Variants in CDK19 observed in about 807,000 individuals in gnomAD.
CDK19 encodes cyclin dependent kinase 19.
In CDK19, 20 loss-of-function variants were observed where a neutral mutation model predicts 68.3. The observed-to-expected ratio is 0.29, with a 90% CI of 0.21 to 0.43. The LOEUF (loss-of-function observed/expected upper bound fraction) is 0.43, where lower values mean the gene tolerates loss of function less well. Ranked by LOEUF, CDK19 falls within the 20% of genes least tolerant of loss-of-function variation. The pLI is 1.00. For missense variants in CDK19, 339 were observed against 623.5 expected (o/e 0.54, Z 4.86); for synonymous variants, 221 against 222.8 (o/e 0.99, Z 0.07).
At position 110,815,073 on chromosome 6, in the gene CDK19, A is replaced by C; in HGVS notation, c.64T>G (p.Tyr22Asp). 6.2e-7 allele frequency: 1 copy of C among 1,604,280 alleles called. No homozygotes were observed. The highest frequency in any genetic ancestry group is 8.5e-7 in the Non-Finnish European group (1 of 1,176,306). ...CCGCGTCCCACTTTGCACCCTTCGT[A>C]CTCAAACAAATCCTCCACCCGCTCC... Reference protein sequence around the residue: ...ERERVEDLFEYEGCKVGRGTY... With the variant: ...ERERVEDLFEDEGCKVGRGTY... The change falls in exon 1 of 13, where the codon TAC becomes GAC. Residue 22 changes from tyrosine to aspartate, a missense_variant. Transcript: ENST00000368911.
intron 4 of CDK19, chr6:110,645,799 T>C (rs1780522793): frequency 3.3e-6 from 2 of 601,312 alleles, no homozygotes; most frequent in African/African-American, 3.7e-5. Context: ...CTCTGGTGCC[T>C]ATCTAGAGAC....
chr6:110,713,907 A>G (rs1034168638), intron 2 of CDK19, among the ~76,000 whole-genome samples: 33 of 152,196 alleles, frequency 2.2e-4, no homozygotes, highest in African/African-American at 8.0e-4. Context: ...AGAAAACCTT[A>G]CTGAGTATTC....
intron 2 of CDK19, among the ~76,000 whole-genome samples, chr6:110,678,701 T>C (rs896125515): frequency 6.6e-6 from 1 of 152,226 alleles, no homozygotes; most frequent in Non-Finnish European, 1.5e-5. Context: ...GTAGAAAAAT[T>C]ATTTGTAATT....
At chr6:110,646,849 G>A (rs1426898972) in intron 4 of CDK19, among the ~76,000 whole-genome samples, 1 of 151,984 alleles carries the variant, frequency 6.6e-6, no homozygotes, top group Non-Finnish European at 1.5e-5. Context: ...GTGGGAGGAA[G>A]GGGCTCCCCG....
rs552311835 is a variant in CDK19, at chr6:110,714,327, C to G, written c.204+31799G>C. ...TCCATTCATCAGCTGATGGATACGA[C>G]AGTTATTTCTAATTTTTTGTTATTG... On this transcript the variant is annotated intron_variant, in intron 2 of 12. Transcript: ENST00000368911. Among the ~76,000 whole-genome samples the G allele has an allele frequency of 9.3e-4, 142 of 152,274 alleles. 1 individual carries two copies. The highest frequency in any genetic ancestry group is 5.1e-4 in the Non-Finnish European group (35 of 68,038).
At chr6:110,679,331 G>T (rs1771806202) in intron 2 of CDK19, among the ~76,000 whole-genome samples, 1 of 146,574 alleles carries the variant, frequency 6.8e-6, no homozygotes. Context: ...AAAAAAAAAA[G>T]TCCAGGTACA....
rs2114923760 is a variant in CDK19 at position 110,755,322 on chromosome 6, G to A, written c.129-9121C>T. 2.0e-5 allele frequency among the ~76,000 whole-genome samples: 3 copies of A among 152,236 alleles called. No homozygotes were observed. The South Asian group carries it at 6.2e-4, about 32-fold the overall frequency. On this transcript the variant is annotated intron_variant, in intron 1 of 12. Coordinates refer to ENST00000368911, the MANE Select transcript of CDK19 (RefSeq NM_015076.5). ...CCCAAAGTGCTGGGATTATAGGCGT[G>A]AGCCACCATGCCTAGCCCCTTGTGA... is the stretch of plus-strand genomic sequence containing the variant.
In CDK19 at chr6:110,614,545, T is replaced by C. The variant is rs1310668301; in HGVS notation, c.1499A>G (p.His500Arg). The change falls in exon 13 of 13, where the codon CAC becomes CGC. Residue 500 changes from histidine to arginine, a missense_variant. His to Arg is a conservative substitution (Grantham distance 29). Coordinates refer to ENST00000368911, the MANE Select transcript of CDK19 (RefSeq NM_015076.5). ...CCCAACGGGAGCTGGTCAGTACCGG[T>C]GGGCCTGGTGAGATGGGTGGTACTG... ...SSQYHPSHQAHRY is the reference protein window; with the variant it reads ...SSQYHPSHQARRY The C allele has an allele frequency of 6.2e-7, 1 of 1,613,754 alleles. No homozygotes were observed. Among genetic ancestry groups the C allele is most frequent in the East Asian group, 2.2e-5 (1 of 44,890 alleles).
In CDK19 at chr6:110,674,174, T is replaced by C. The variant is rs181203289; in HGVS notation, c.205-3633A>G. Reference sequence around the variant, plus strand: ...CATCACAAATTGCACCCACATAAGATGGCAAACTTAATCTATAAATGTTGT... The same window carrying C: ...CATCACAAATTGCACCCACATAAGACGGCAAACTTAATCTATAAATGTTGT... On this transcript the variant is annotated intron_variant, in intron 2 of 12. Coordinates refer to ENST00000368911, the MANE Select transcript of CDK19 (RefSeq NM_015076.5). Among the ~76,000 whole-genome samples the C allele has an allele frequency of 1.3e-3, 199 of 152,354 alleles. 1 individual carries two copies. The highest frequency in any genetic ancestry group is 0.01 in the Middle Eastern group (3 of 294).
chr6:110,709,412 G>A lies in CDK19; in HGVS notation c.204+36714C>T, dbSNP rs1011879931. ...AGGAGAAATACCTAATGTAGATGAC[G>A]AGTTGATGGGTGCAGCAAATCACCA... On this transcript the variant is annotated intron_variant, in intron 2 of 12. Coordinates refer to ENST00000368911, the MANE Select transcript of CDK19 (RefSeq NM_015076.5). Among the ~76,000 whole-genome samples the A allele has an allele frequency of 4.0e-5, 6 of 151,696 alleles. No individual in the cohort carries two copies. In the South Asian group the frequency reaches 6.2e-4, roughly 16 times the overall value.
intron 2 of CDK19, among the ~76,000 whole-genome samples, chr6:110,709,680 C>T (rs760400118): frequency 6.6e-6 from 1 of 152,058 alleles, no homozygotes; most frequent in Non-Finnish European, 1.5e-5. Flanking sequence ...TTTCCATTTA[C>T]ATTTGCAAGA....
At chr6:110,624,261 C>A (rs1344813987) in intron 8 of CDK19, among the ~76,000 whole-genome samples, 1 of 151,938 alleles carries the variant, frequency 6.6e-6, no homozygotes, top group Non-Finnish European at 1.5e-5. Context: ...AGGTGGGGCA[C>A]ACAGGGTACT....
intron 4 of CDK19, chr6:110,646,317 C>T: frequency 1.3e-6 from 2 of 1,485,822 alleles, no homozygotes; most frequent in Non-Finnish European, 1.8e-6. Flanking sequence ...CGACTACCTG[C>T]GCGAACGGGC....
At chr6:110,782,817 G>C (rs555758471) in intron 1 of CDK19, among the ~76,000 whole-genome samples, 31 of 152,050 alleles carry the variant, frequency 2.0e-4, no homozygotes, top group Non-Finnish European at 1.0e-4. Flanking sequence ...TCTCTCAAAC[G>C]CATCTCCAAC....
chr6:110,807,019 G>A (rs1232384541), intron 1 of CDK19, among the ~76,000 whole-genome samples: 1 of 151,394 alleles, frequency 6.6e-6, no homozygotes, highest in East Asian at 1.9e-4. Flanking sequence ...TAAAAATAGG[G>A]CCAAGCATGA....
chr6:110,736,580 C>T (rs922258800), intron 2 of CDK19, among the ~76,000 whole-genome samples: 2 of 152,074 alleles, frequency 1.3e-5, no homozygotes, highest in African/African-American at 2.4e-5. Flanking sequence ...TCTAGAATTA[C>T]TAAGTTTATG....
At chr6:110,679,881 A>C (rs1408891363) in intron 2 of CDK19, among the ~76,000 whole-genome samples, 1 of 152,192 alleles carries the variant, frequency 6.6e-6, no homozygotes, top group Non-Finnish European at 1.5e-5. Flanking sequence ...GTATTTGTTG[A>C]CTTTATATCT....
intron 1 of CDK19, among the ~76,000 whole-genome samples, chr6:110,808,745 T>C: frequency 6.6e-6 from 1 of 152,146 alleles, no homozygotes; most frequent in East Asian, 1.9e-4. Flanking sequence ...CCAAAATTTG[T>C]CCTAAAATGT....
intron 1 of CDK19, among the ~76,000 whole-genome samples, chr6:110,810,631 A>C (rs1783014511): frequency 6.6e-6 from 1 of 152,060 alleles, no homozygotes; most frequent in South Asian, 2.1e-4. Flanking sequence ...AAAATCAGCC[A>C]GGCGTGGTGG....
Sources: gnomAD v4.1 joint callset for allele counts (sites outside exome capture counted in the v4.1 genomes callset) on GRCh38, gnomAD v4.1.1 for gene constraint, MANE v1.5 for transcripts, NCBI Gene and HGNC (gene_info 2026-07-23, HGNC 2026-07-21) for gene names.